The following PTPRD variants were observed in gnomAD, a reference collection of about 807,000 sequenced individuals.
PTPRD encodes the protein protein tyrosine phosphatase receptor type D.
A neutral mutation model predicts 214.5 loss-of-function variants in PTPRD; 34 were observed. The observed-to-expected ratio is 0.16, with a 90% CI of 0.12 to 0.21. The LOEUF (loss-of-function observed/expected upper bound fraction) is 0.21, where lower values mean the gene tolerates loss of function less well. PTPRD is among the 10% of genes least tolerant of loss of function. PTPRD has a pLI of 1.00. For missense variants in PTPRD, 2,545 were observed against 2,398.7 expected (o/e 1.06, Z -1.27); for synonymous variants, 1,128 against 845.7 (o/e 1.33, Z -5.79).
intron 2 of PTPRD, among the ~76,000 whole-genome samples, chr9:10,485,859 T>G (rs573622723): frequency 7.2e-5 from 11 of 152,222 alleles, no homozygotes; most frequent in South Asian, 4.1e-4. Context: ...TTGTTCAGTT[T>G]ATTGGCAGGC....
chr9:10,473,903 T>C (rs1270646696), intron 2 of PTPRD, among the ~76,000 whole-genome samples: 1 of 152,022 alleles, frequency 6.6e-6, no homozygotes, highest in Non-Finnish European at 1.5e-5. Context: ...TTTCATTTTA[T>C]ATTAGATTCC....
chr9:9,333,577 C>G (rs886933076), intron 9 of PTPRD, among the ~76,000 whole-genome samples: 4 of 147,592 alleles, frequency 2.7e-5, no homozygotes, highest in African/African-American at 5.1e-5. Flanking sequence ...TGGGACTTAA[C>G]GCAGAATTAA....
intron 9 of PTPRD, among the ~76,000 whole-genome samples, chr9:9,213,411 T>C (rs1313467622): frequency 6.6e-6 from 1 of 152,184 alleles, no homozygotes; most frequent in African/African-American, 2.4e-5. Flanking sequence ...TGCACAGTTA[T>C]TGGTATGTGA....
intron 10 of PTPRD, among the ~76,000 whole-genome samples, chr9:9,145,486 G>GT (rs2154484125): frequency 6.6e-6 from 1 of 151,928 alleles, no homozygotes; most frequent in East Asian, 1.9e-4. Context: ...AGAATACCTG[G>GT]TCATCACAAT....
chr9:10,236,687 T>G (rs2099630023), intron 3 of PTPRD, among the ~76,000 whole-genome samples: 1 of 151,932 alleles, frequency 6.6e-6, no homozygotes, highest in African/African-American at 2.4e-5. Flanking sequence ...ATTGAAAATC[T>G]ATTACCACAC....
At chr9:8,856,889 T>G (rs148140226) in intron 11 of PTPRD, among the ~76,000 whole-genome samples, 2 of 152,194 alleles carry the variant, frequency 1.3e-5, no homozygotes, top group Non-Finnish European at 2.9e-5. Flanking sequence ...AGAGAAGCAA[T>G]GCAAGTTTTC....
At chr9:9,005,132 G>A (rs941905803) in intron 11 of PTPRD, among the ~76,000 whole-genome samples, 7 of 151,968 alleles carry the variant, frequency 4.6e-5, no homozygotes, top group African/African-American at 1.7e-4. Context: ...TGTTTCCACT[G>A]GTAGAAATGG....
intron 3 of PTPRD, among the ~76,000 whole-genome samples, chr9:10,050,131 T>C (rs143261876): frequency 6.6e-6 from 1 of 152,106 alleles, no homozygotes; most frequent in East Asian, 1.9e-4. Context: ...TTAGAGAAGA[T>C]TGTGGCATGG....
At chr9:8,488,474 T>A (rs1325983442) in intron 27 of PTPRD, among the ~76,000 whole-genome samples, 1 of 152,228 alleles carries the variant, frequency 6.6e-6, no homozygotes, top group Non-Finnish European at 1.5e-5. Flanking sequence ...ACATGTGTGT[T>A]GTGTTGTATA....
At chr9:9,772,166 A>T (rs1233897854) in intron 5 of PTPRD, among the ~76,000 whole-genome samples, 3 of 152,244 alleles carry the variant, frequency 2.0e-5, no homozygotes, top group Non-Finnish European at 4.4e-5. Flanking sequence ...CTTAAAGAGG[A>T]GGATGCTAGA....
chr9:10,035,302 A>C (rs1555499342), intron 3 of PTPRD, among the ~76,000 whole-genome samples: 1 of 151,398 alleles, frequency 6.6e-6, no homozygotes, highest in Non-Finnish European at 1.5e-5. Flanking sequence ...TTTTCTTGTA[A>C]ATTTGTTTAT....
chr9:8,454,634 A>C (rs944560913), intron 33 of PTPRD: 5 of 1,608,606 alleles, frequency 3.1e-6, no homozygotes, highest in Non-Finnish European at 4.2e-6. Flanking sequence ...AAGAAAGGCT[A>C]AATGTTAGTT....
chr9:10,136,073 A>G (rs563703086), intron 3 of PTPRD, among the ~76,000 whole-genome samples: 3 of 152,020 alleles, frequency 2.0e-5, no homozygotes, highest in South Asian at 2.1e-4. Context: ...CAAAAAGAGC[A>G]CAGGTCGATA....
intron 9 of PTPRD, among the ~76,000 whole-genome samples, chr9:9,285,817 T>C (rs1294983012): frequency 6.6e-6 from 1 of 151,874 alleles, no homozygotes; most frequent in Non-Finnish European, 1.5e-5. Context: ...TCTGCTTTCA[T>C]GGCCTCAACT....
intron 8 of PTPRD, among the ~76,000 whole-genome samples, chr9:9,573,984 G>T (rs2087490469): frequency 6.6e-6 from 1 of 151,652 alleles, no homozygotes; most frequent in African/African-American, 2.4e-5. Flanking sequence ...TAGAATGTAT[G>T]ATACAAATGC....
chr9:10,547,538 C>T (rs2060420137), intron 2 of PTPRD, among the ~76,000 whole-genome samples: 1 of 151,870 alleles, frequency 6.6e-6, no homozygotes, highest in Non-Finnish European at 1.5e-5. Flanking sequence ...AATCTCATTC[C>T]CCTCTTCCCT....
chr9:9,007,518 C>T (rs915776737), intron 11 of PTPRD, among the ~76,000 whole-genome samples: 1 of 151,794 alleles, frequency 6.6e-6, no homozygotes, highest in Non-Finnish European at 1.5e-5. Flanking sequence ...CTAAAATACT[C>T]CAATAAACCA....
intron 5 of PTPRD, among the ~76,000 whole-genome samples, chr9:9,801,653 T>G (rs1332873383): frequency 6.6e-6 from 1 of 152,098 alleles, no homozygotes; most frequent in African/African-American, 2.4e-5. Flanking sequence ...ATTAACTGAT[T>G]GGTCAATAAT....
intron 2 of PTPRD, among the ~76,000 whole-genome samples, chr9:10,401,337 T>G (rs1464672921): frequency 6.6e-6 from 1 of 151,490 alleles, no homozygotes; most frequent in East Asian, 2.0e-4. Flanking sequence ...CTTGAAGTGA[T>G]CTCTAGATGA....
Sources: allele counts gnomAD v4.1 joint callset (sites outside exome capture counted in the v4.1 genomes callset), GRCh38; gene constraint gnomAD v4.1.1; transcripts MANE v1.5; gene names NCBI Gene and HGNC (gene_info 2026-07-23, HGNC 2026-07-21).